Variants in SGCD observed in about 807,000 individuals in gnomAD.
The protein encoded by SGCD is delta-sarcoglycan.
Under a neutral mutation model 36.6 loss-of-function variants are expected in SGCD, and 18 were observed. That is an observed-to-expected ratio of 0.49 (90% CI 0.34 to 0.73). SGCD has a LOEUF of 0.73. Ranked by LOEUF, SGCD falls within the 30% of genes least tolerant of loss-of-function variation. SGCD has a pLI of 0.01. For synonymous variants in SGCD, 133 were observed against 130.6 expected, an observed-to-expected ratio of 1.02 and a Z score of -0.12; for missense variants, 387 against 346.7, an observed-to-expected ratio of 1.12 and a Z score of -0.92.
intron 7 of SGCD, among the ~76,000 whole-genome samples, chr5:156,698,310 G>A (rs1050549077): frequency 2.0e-5 from 3 of 152,118 alleles, no homozygotes; most frequent in Non-Finnish European, 4.4e-5. Flanking sequence ...AGCAGGCTAG[G>A]GGCAGATATG....
rs190831121 is a variant in SGCD at position 156,575,274 on chromosome 5, C to T, written c.295-13957C>T. 2.4e-4 allele frequency among the ~76,000 whole-genome samples: 37 copies of T among 152,302 alleles called. 1 individual carries two copies. Among genetic ancestry groups the T allele is most frequent in the Middle Eastern group, 6.8e-3 (2 of 294 alleles). On this transcript the variant is annotated intron_variant, in intron 4 of 8. Transcript: ENST00000337851. The stretch of plus-strand genomic sequence containing the variant: ...GGGAAGAGACAGCTGCCTCCTTGAA[C>T]TGCAGGGTTCTCTCTGCTTACTGGC...
At chr5:156,680,576 T>C (rs1434580565) in intron 7 of SGCD, among the ~76,000 whole-genome samples, 1 of 152,164 alleles carries the variant, frequency 6.6e-6, no homozygotes, top group Non-Finnish European at 1.5e-5. Flanking sequence ...ACTCAACTAA[T>C]AAGCACATCT....
intron 3 of SGCD, among the ~76,000 whole-genome samples, chr5:156,180,294 T>A (rs1280939124): frequency 6.6e-6 from 1 of 152,194 alleles, no homozygotes; most frequent in Non-Finnish European, 1.5e-5. Context: ...GCTTTTACTC[T>A]AAGATAGGGA....
chr5:156,118,975 C>A (rs1230298064), intron 2 of SGCD, among the ~76,000 whole-genome samples: 1 of 152,128 alleles, frequency 6.6e-6, no homozygotes, highest in African/African-American at 2.4e-5. Flanking sequence ...ATAGCCCCTA[C>A]TTTGAGTATT....
At chr5:155,750,513 A>G in the SGCD span, among the ~76,000 whole-genome samples, 4 of 152,104 alleles carry the variant, frequency 2.6e-5, no homozygotes, top group Non-Finnish European at 5.9e-5. Context: ...AATAACCTCT[A>G]TTTGTCCCTT....
At chr5:155,787,307 C>T in the SGCD span, among the ~76,000 whole-genome samples, 1 of 152,158 alleles carries the variant, frequency 6.6e-6, no homozygotes, top group Non-Finnish European at 1.5e-5. Context: ...GAATACTGCA[C>T]ATGCCTCCAA....
At chr5:155,788,592 G>A in the SGCD span, among the ~76,000 whole-genome samples, 2 of 152,206 alleles carry the variant, frequency 1.3e-5, no homozygotes, top group Non-Finnish European at 2.9e-5. Context: ...AAGATACTAT[G>A]TCCTTCACTA....
At chr5:156,642,417 A>G (rs181999042) in intron 6 of SGCD, among the ~76,000 whole-genome samples, 252 of 150,128 alleles carry the variant, frequency 1.7e-3, no homozygotes, top group South Asian at 4.6e-3. Flanking sequence ...TAGTCTCACC[A>G]CATGATATTC....
rs572138072 is a variant in SGCD at position 156,767,045 on chromosome 5, G to C, written c.*7655G>C. On this transcript the variant is annotated 3_prime_UTR_variant, in exon 9 of 9. Transcript: ENST00000337851. Reference sequence around the variant, plus strand: ...AAAATGAAAAAGACTCGACTCTACAGTAAGTCAGTCAGGGATTTCCTTTTT... The same window carrying C: ...AAAATGAAAAAGACTCGACTCTACACTAAGTCAGTCAGGGATTTCCTTTTT... 1 of 152,250 alleles carries C rather than the reference G, an allele frequency of 6.6e-6. No individual in the cohort carries two copies. The highest frequency in any genetic ancestry group is 2.1e-4 in the South Asian group (1 of 4,814). 9.4% of individuals were successfully genotyped at this position (152,250 alleles called of 1,614,324 possible). A position where few individuals can be genotyped will look rare whatever the true frequency, so the allele number is the denominator to read the frequency against.
At chr5:156,068,199 G>A (rs1458134446) in intron 1 of SGCD, among the ~76,000 whole-genome samples, 1 of 151,630 alleles carries the variant, frequency 6.6e-6, no homozygotes, top group Admixed American at 6.6e-5. Context: ...GTATACATGT[G>A]CCATGCTGGT....
At chr5:155,797,905 C>T in the SGCD span, among the ~76,000 whole-genome samples, 1 of 152,168 alleles carries the variant, frequency 6.6e-6, no homozygotes, top group Non-Finnish European at 1.5e-5. Context: ...ACTCAAAAAG[C>T]CATCATACCA....
chr5:156,242,388 T>A (rs1157302030), intron 3 of SGCD, among the ~76,000 whole-genome samples: 1 of 152,196 alleles, frequency 6.6e-6, no homozygotes, highest in African/African-American at 2.4e-5. Context: ...ATTCTGGTAG[T>A]CATGGGACTG....
intron 1 of SGCD, among the ~76,000 whole-genome samples, chr5:156,048,599 G>A (rs1002211518): frequency 1.3e-5 from 2 of 152,156 alleles, no homozygotes; most frequent in African/African-American, 4.8e-5. Context: ...TTTTTGATGT[G>A]TCTTTTGGCT....
chr5:156,672,397 T>C (rs1477716558), intron 7 of SGCD, among the ~76,000 whole-genome samples: 3 of 152,120 alleles, frequency 2.0e-5, no homozygotes. Context: ...CTAGGGGTCT[T>C]ATGGTTTCTC....
upstream of SGCD, among the ~76,000 whole-genome samples, chr5:156,324,940 A>G (rs1294567665): frequency 6.6e-6 from 1 of 152,134 alleles, no homozygotes; most frequent in Non-Finnish European, 1.5e-5. Flanking sequence ...TTTTGCTATT[A>G]TTGTTAATTT....
intron 3 of SGCD, among the ~76,000 whole-genome samples, chr5:156,225,950 G>A (rs192737695): frequency 6.6e-6 from 1 of 152,224 alleles, no homozygotes; most frequent in Non-Finnish European, 1.5e-5. Flanking sequence ...TTATAAAGGA[G>A]AGAAATGAAA....
chr5:156,090,552 G>T (rs1002187463), intron 1 of SGCD, among the ~76,000 whole-genome samples: 1 of 152,134 alleles, frequency 6.6e-6, no homozygotes, highest in African/African-American at 2.4e-5. Context: ...GGCAAAATTA[G>T]AATTACTGAT....
the SGCD span, among the ~76,000 whole-genome samples, chr5:155,776,742 TA>T: frequency 6.6e-6 from 1 of 151,714 alleles, no homozygotes; most frequent in Non-Finnish European, 1.5e-5. Flanking sequence ...AATTTTCTGA[TA>T]TTTTTCGGGC....
At chr5:156,572,544 G>A (rs2113295047) in intron 4 of SGCD, among the ~76,000 whole-genome samples, 1 of 152,128 alleles carries the variant, frequency 6.6e-6, no homozygotes. Context: ...TGGGCTTGGA[G>A]CAAAAGAGTC....
Sources: allele counts gnomAD v4.1 joint callset (sites outside exome capture counted in the v4.1 genomes callset), GRCh38; gene constraint gnomAD v4.1.1; transcripts MANE v1.5; gene names NCBI Gene and HGNC (gene_info 2026-07-23, HGNC 2026-07-21).